Variants in CACYBP observed in about 807,000 individuals in gnomAD.
CACYBP encodes the protein calcyclin-binding protein.
CACYBP carries 11 observed loss-of-function variants against 29.6 expected under a neutral mutation model. That is an observed-to-expected ratio of 0.37 (90% CI 0.23 to 0.61). The LOEUF (loss-of-function observed/expected upper bound fraction) is 0.61, where lower values mean the gene tolerates loss of function less well. CACYBP is among the 20% of genes least tolerant of loss of function. CACYBP has a pLI of 0.65. For missense variants in CACYBP, 163 were observed against 260.7 expected (o/e 0.63, Z 2.58); for synonymous variants, 73 against 88.3 (o/e 0.83, Z 0.97).
At position 175,007,198 on chromosome 1, in the gene CACYBP, G is replaced by GTGAGTGTGCTTTTTT. The variant is rs1373886235; in HGVS notation, c.432+5_432+19dup. 2.5e-6 allele frequency: 4 copies of GTGAGTGTGCTTTTTT among 1,581,184 alleles called. No homozygotes were observed. The highest frequency in any genetic ancestry group is 3.5e-6 in the Non-Finnish European group (4 of 1,151,956). ...CTCTGTGGAAGGCAGTTCAAAAAAAGTGAGTGTGCTTTTTTTGATTGTAAT... is the reference window on the plus strand; with the variant it reads ...CTCTGTGGAAGGCAGTTCAAAAAAAGTGAGTGTGCTTTTTTTGAGTGTGCTTTTTTTGATTGTAAT... On this transcript the variant is annotated splice_donor_variant, in intron 4 of 5. Coordinates refer to ENST00000367679, the MANE Select transcript of CACYBP (RefSeq NM_014412.3). LOFTEE classifies it high-confidence loss of function.
At chr1:175,007,537 A>G (rs1672648332) in intron 4 of CACYBP, among the ~76,000 whole-genome samples, 1 of 152,190 alleles carries the variant, frequency 6.6e-6, no homozygotes, top group East Asian at 1.9e-4. Context: ...GGAGGAAGTA[A>G]ACGTTTGAAG....
At chr1:175,007,239 C>A in intron 4 of CACYBP, 42 bp downstream of exon 4, 4 of 1,167,572 alleles carry the variant, frequency 3.4e-6, no homozygotes, top group South Asian at 1.3e-5. Context: ...GAAACCTTAC[C>A]AAATTGAACC....
intron 2 of CACYBP, 129 bp from the exon 3 acceptor site, chr1:175,006,616 A>C (rs531621444): frequency 1.1e-5 from 6 of 551,484 alleles, no homozygotes; most frequent in Non-Finnish European, 1.9e-5. Flanking sequence ...TTATATTTCA[A>C]ATTTTTTCAT....
At position 174,999,996 on chromosome 1, in the gene CACYBP, A is replaced by G; in HGVS notation, c.-185A>G. 3 of 795,410 alleles carry G rather than the reference A, an allele frequency of 3.8e-6. No homozygotes were observed. Among genetic ancestry groups the G allele is most frequent in the Admixed American group, 5.3e-5 (2 of 37,504 alleles). 49.3% of individuals were successfully genotyped at this position (795,410 alleles called of 1,614,324 possible). ...GGCGGTGGCGGCGGCTGCCTCGCGA[A>G]GGTTCGAGATCCGTCGCGTGCGGGA... On this transcript the variant is annotated 5_prime_UTR_variant, in exon 1 of 6. Transcript: ENST00000367679.
Position 175,008,669 on chromosome 1 carries a change from T to G in CACYBP, c.493T>G (p.Tyr165Asp). 6.3e-7 allele frequency: 1 copy of G among 1,593,864 alleles called. No individual in the cohort carries two copies. Among genetic ancestry groups the G allele is most frequent in the Non-Finnish European group, 8.6e-7 (1 of 1,161,594 alleles). Residue 165 changes from tyrosine (Y) to aspartate (D), a missense_variant, in exon 5 of 6, where the codon TAC (tyrosine) becomes GAC (aspartate). Coordinates refer to ENST00000367679, the MANE Select transcript of CACYBP (RefSeq NM_014412.3). ...RKKVENTRWD[Y>D]LTQVEKECKE... The stretch of plus-strand genomic sequence containing the variant: ...GAAAGTGGAAAACACAAGGTGGGAT[T>G]ACCTGACCCAGGTTGAAAAGGAGTG...
chr1:175,010,787 A>G lies in CACYBP; in HGVS notation c.*708A>G, dbSNP rs766846500. 1 of 152,202 alleles carries G rather than the reference A, an allele frequency of 6.6e-6. No individual in the cohort carries two copies. Among genetic ancestry groups the G allele is most frequent in the East Asian group, 1.9e-4 (1 of 5,196 alleles). The allele number at this position is 152,202 out of a possible 1,614,324, so 9.4% of individuals were successfully genotyped here. A position where few individuals can be genotyped will look rare whatever the true frequency, so the allele number is the denominator to read the frequency against. On this transcript the variant is annotated 3_prime_UTR_variant, in exon 6 of 6. Transcript: ENST00000367679. ...TCTATTCCTATGCTCAATAAAGTTA[A>G]GTTTTTCTTCATTAGAACAGTTTTA...
intron 1 of CACYBP, chr1:175,000,590 C>A (rs912120830): frequency 3.6e-6 from 4 of 1,104,572 alleles, no homozygotes; most frequent in African/African-American, 3.4e-5. Context: ...TGGTAGAGGG[C>A]GGTTGGAAGG....
chr1:174,999,867 G>C, upstream of CACYBP: 1 of 503,604 alleles, frequency 2.0e-6, no homozygotes, highest in Non-Finnish European at 3.5e-6. Context: ...TTCGGCAGGC[G>C]GGCGGAGCCA....
At chr1:175,000,388 A>G in intron 1 of CACYBP, 193 bp downstream of exon 1, 1 of 1,413,204 alleles carries the variant, frequency 7.1e-7, no homozygotes, top group Non-Finnish European at 9.2e-7. Flanking sequence ...CTTCCACTCG[A>G]CCTCGCACCC....
chr1:175,000,464 G>C, intron 1 of CACYBP: 1 of 1,361,272 alleles, frequency 7.3e-7, no homozygotes, highest in Non-Finnish European at 9.4e-7. Context: ...CGGGGAGTGG[G>C]TCTGGGAGAG....
In CACYBP at chr1:175,000,110, G is replaced by A. The variant is rs1672428342; in HGVS notation, c.-71G>A. 20 of 1,558,106 alleles carry A rather than the reference G, an allele frequency of 1.3e-5. No individual in the cohort carries two copies. The highest frequency in any genetic ancestry group is 5.7e-5 in the Admixed American group (3 of 52,656). ...GTAGGCGTCTGCGCTCGGTTTGAGG[G>A]CTCGGCGCGGGGTTTCCTGTTCCTC... On this transcript the variant is annotated 5_prime_UTR_variant, in exon 1 of 6. Coordinates refer to ENST00000367679, the MANE Select transcript of CACYBP (RefSeq NM_014412.3).
Position 175,005,576 on chromosome 1 carries a change from A to G in CACYBP, c.235+743A>G, listed in dbSNP as rs558717980. On this transcript the variant is annotated intron_variant, in intron 2 of 5. Coordinates refer to ENST00000367679, the MANE Select transcript of CACYBP (RefSeq NM_014412.3). ...TCAGCAAGTCAAAAAGGAGGGGAAC[A>G]GCATGAGCAGAGAATGTGAATAGAG... is the stretch of plus-strand genomic sequence containing the variant. Among the ~76,000 whole-genome samples, 20 of 152,342 alleles carry G rather than the reference A, an allele frequency of 1.3e-4. No individual in the cohort carries two copies. In the South Asian group the frequency reaches 4.1e-3, roughly 32 times the overall value.
chr1:175,000,217 T>A (rs751566520), intron 1 of CACYBP, 22 bp downstream of exon 1: 1 of 1,600,380 alleles, frequency 6.2e-7, no homozygotes, highest in Non-Finnish European at 8.5e-7. Flanking sequence ...GGCCCCATAT[T>A]CCTTATGCCC....
intron 4 of CACYBP, among the ~76,000 whole-genome samples, chr1:175,008,047 G>A (rs112550599): frequency 2.0e-4 from 31 of 152,288 alleles, no homozygotes; most frequent in African/African-American, 7.5e-4. Flanking sequence ...CATAGGTAGA[G>A]TACCAAAAGA....
intron 1 of CACYBP, among the ~76,000 whole-genome samples, 172 bp from the exon 2 acceptor site, chr1:175,004,438 GTTAA>G (rs1443400142): frequency 6.6e-6 from 1 of 152,186 alleles, no homozygotes. Context: ...GGAAGCTTGA[GTTAA>G]TTACAGTTAA....
rs749102618 is a variant in CACYBP at position 175,004,878 on chromosome 1, A to C, written c.235+45A>C. 6 of 1,225,236 alleles carry C rather than the reference A, an allele frequency of 4.9e-6. No homozygotes were observed. The South Asian group carries it at 7.2e-5, about 15-fold the overall frequency. The allele number at this position is 1,225,236 out of a possible 1,614,324, so 75.9% of individuals were successfully genotyped here. On this transcript the variant is annotated intron_variant, in intron 2 of 5. Coordinates refer to ENST00000367679, the MANE Select transcript of CACYBP (RefSeq NM_014412.3). ...AGCCAGTTCTGCCTCCGAGCAACCT[A>C]TTCCTCATAGTGGTCTAACAAATTC...
At chr1:175,005,595 A>G (rs1399944924) in intron 2 of CACYBP, among the ~76,000 whole-genome samples, 2 of 152,192 alleles carry the variant, frequency 1.3e-5, no homozygotes, top group African/African-American at 2.4e-5. Flanking sequence ...AGAGAATGTG[A>G]ATAGAGAGTT....
chr1:175,008,874 C>G lies in CACYBP; in HGVS notation c.530+168C>G, dbSNP rs567778298. 75 of 585,892 alleles carry G rather than the reference C, an allele frequency of 1.3e-4. No individual in the cohort carries two copies. In the East Asian group the frequency reaches 2.0e-3, roughly 16 times the overall value. 36.3% of individuals were successfully genotyped at this position (585,892 alleles called of 1,614,324 possible). The stretch of plus-strand genomic sequence containing the variant: ...TAAGGTCTTTGTAGTTAAGGGTTGG[C>G]TCTTTAGTGTGGTTCTTAACCCTAG... On this transcript the variant is annotated intron_variant, in intron 5 of 5. Transcript: ENST00000367679.
chr1:175,006,609 T>A (rs376510797), intron 2 of CACYBP, 136 bp from the exon 3 acceptor site: 11 of 545,378 alleles, frequency 2.0e-5, no homozygotes, highest in Admixed American at 3.5e-5. Flanking sequence ...AAATTTCTTA[T>A]ATTTCAAATT....
Sources: gnomAD v4.1 joint callset for allele counts (sites outside exome capture counted in the v4.1 genomes callset) on GRCh38, gnomAD v4.1.1 for gene constraint, MANE v1.5 for transcripts, NCBI Gene and HGNC (gene_info 2026-07-23, HGNC 2026-07-21) for gene names.